The following SYN2 variants were observed in gnomAD, a reference collection of about 807,000 sequenced individuals.
SYN2 encodes the protein synapsin-2.
Under a neutral mutation model 50.9 loss-of-function variants are expected in SYN2, and 19 were observed. That is an observed-to-expected ratio of 0.37 (90% CI 0.26 to 0.55). The LOEUF (loss-of-function observed/expected upper bound fraction) is 0.55. Ranked by LOEUF, SYN2 falls within the 20% of genes least tolerant of loss-of-function variation. The pLI is 0.81. For missense variants in SYN2, 587 were observed against 576.4 expected (o/e 1.02, Z -0.19); for synonymous variants, 255 against 224.9 (o/e 1.13, Z -1.20).
At chr3:12,140,890 A>T (rs1311372071) in intron 2 of SYN2, among the ~76,000 whole-genome samples, 182 bp downstream of exon 2, 1 of 152,104 alleles carries the variant, frequency 6.6e-6, no homozygotes, top group Non-Finnish European at 1.5e-5. Context: ...ATGGTCCTGG[A>T]GTCTGCATCT....
At chr3:12,114,396 A>C (rs1272767660) in intron 1 of SYN2, among the ~76,000 whole-genome samples, 1 of 151,956 alleles carries the variant, frequency 6.6e-6, no homozygotes, top group East Asian at 1.9e-4. Context: ...TATGTAAATT[A>C]TTTTCATTTT....
chr3:12,178,056 T>C (rs976467619), intron 10 of SYN2, among the ~76,000 whole-genome samples: 17 of 152,292 alleles, frequency 1.1e-4, no homozygotes, highest in African/African-American at 3.9e-4. Context: ...CCTCAAAACA[T>C]GCGGTCCCCT....
intron 1 of SYN2, among the ~76,000 whole-genome samples, chr3:12,100,942 C>A (rs1574940755): frequency 6.6e-6 from 1 of 152,100 alleles, no homozygotes; most frequent in East Asian, 1.9e-4. Context: ...CTATTTCACA[C>A]CCCTTGTCAT....
chr3:12,117,835 C>T (rs1696466077), intron 1 of SYN2, among the ~76,000 whole-genome samples: 2 of 152,144 alleles, frequency 1.3e-5, no homozygotes, highest in Non-Finnish European at 2.9e-5. Context: ...CTTCCTGGAG[C>T]AAATTTGGAA....
chr3:12,103,079 A>G (rs899327694), intron 1 of SYN2, among the ~76,000 whole-genome samples: 6 of 152,192 alleles, frequency 3.9e-5, no homozygotes, highest in Admixed American at 2.0e-4. Flanking sequence ...GATAGGTACT[A>G]TAATTGTCCT....
At chr3:12,169,977 C>T in intron 10 of SYN2, 71 bp downstream of exon 10, 1 of 1,506,194 alleles carries the variant, frequency 6.6e-7, no homozygotes, top group East Asian at 2.5e-5. Flanking sequence ...ATGTTGATGG[C>T]TAAAGAATGG....
intron 1 of SYN2, among the ~76,000 whole-genome samples, chr3:12,027,525 G>C (rs1334162282): frequency 2.6e-5 from 4 of 152,088 alleles, no homozygotes; most frequent in Non-Finnish European, 5.9e-5. Flanking sequence ...TGATCAGTTG[G>C]GGCTAATGTC....
intron 10 of SYN2, among the ~76,000 whole-genome samples, chr3:12,174,906 GATTATTCTTGTCT>G (rs1335652216): frequency 6.6e-6 from 1 of 152,140 alleles, no homozygotes; most frequent in South Asian, 2.1e-4. Flanking sequence ...TATCAGTTGA[GATTATTCTTGTCT>G]ATTTAATTGT....
intron 1 of SYN2, among the ~76,000 whole-genome samples, chr3:12,126,173 G>A (rs1696666448): frequency 6.6e-6 from 1 of 152,204 alleles, no homozygotes; most frequent in Non-Finnish European, 1.5e-5. Flanking sequence ...CTTCTAGAGA[G>A]TACTGTCAAG....
At chr3:12,121,464 T>A (rs1696555290) in intron 1 of SYN2, among the ~76,000 whole-genome samples, 1 of 152,210 alleles carries the variant, frequency 6.6e-6, no homozygotes. Context: ...GACTACAGAC[T>A]CTGTGAGGAC....
At chr3:12,127,633 G>T (rs2125206932) in intron 1 of SYN2, among the ~76,000 whole-genome samples, 1 of 152,290 alleles carries the variant, frequency 6.6e-6, no homozygotes, top group South Asian at 2.1e-4. Context: ...TTGGAAAATT[G>T]TAGAATGGAA....
At chr3:12,158,564 A>T in intron 5 of SYN2, 1 of 1,300,544 alleles carries the variant, frequency 7.7e-7, no homozygotes, top group Non-Finnish European at 1.1e-6. Context: ...GTCCTTCTCC[A>T]CCCATCAGCC....
intron 1 of SYN2, among the ~76,000 whole-genome samples, chr3:12,072,070 A>T (rs2125169023): frequency 6.6e-6 from 1 of 152,260 alleles, no homozygotes; most frequent in Middle Eastern, 3.4e-3. Context: ...TGTAAGGAAA[A>T]ATAAAAATGC....
At chr3:12,008,640 C>A (rs922474497) in intron 1 of SYN2, among the ~76,000 whole-genome samples, 1 of 152,206 alleles carries the variant, frequency 6.6e-6, no homozygotes, top group Non-Finnish European at 1.5e-5. Context: ...ACACCAACTA[C>A]TGTCATTTAT....
At chr3:12,028,274 A>G (rs1000371484) in intron 1 of SYN2, among the ~76,000 whole-genome samples, 3 of 151,970 alleles carry the variant, frequency 2.0e-5, no homozygotes, top group African/African-American at 7.3e-5. Context: ...CCAGTCTATC[A>G]TCGTTGGACA....
At chr3:12,059,344 G>A (rs959916313) in intron 1 of SYN2, among the ~76,000 whole-genome samples, 3 of 152,194 alleles carry the variant, frequency 2.0e-5, no homozygotes, top group Non-Finnish European at 4.4e-5. Context: ...TAAGTGGGTG[G>A]TGGGCCCACA....
chr3:12,040,074 A>G (rs768460391), intron 1 of SYN2, among the ~76,000 whole-genome samples: 44 of 152,154 alleles, frequency 2.9e-4, no homozygotes, highest in Admixed American at 2.7e-3. Flanking sequence ...CTGATTTGGG[A>G]CATAAATTGG....
intron 1 of SYN2, among the ~76,000 whole-genome samples, chr3:12,020,499 A>G (rs1694110389): frequency 1.3e-5 from 2 of 151,936 alleles, no homozygotes; most frequent in South Asian, 4.2e-4. Flanking sequence ...ACCCCCTGAA[A>G]GTTTTGGGAG....
At chr3:12,068,439 T>C (rs1695268825) in intron 1 of SYN2, among the ~76,000 whole-genome samples, 1 of 152,200 alleles carries the variant, frequency 6.6e-6, no homozygotes, top group Non-Finnish European at 1.5e-5. Context: ...TTGGCTTGCT[T>C]TTCCGAAATT....
Sources: gnomAD v4.1 joint callset for allele counts (sites outside exome capture counted in the v4.1 genomes callset) on GRCh38, gnomAD v4.1.1 for gene constraint, MANE v1.5 for transcripts, NCBI Gene and HGNC (gene_info 2026-07-23, HGNC 2026-07-21) for gene names.